Variants in FHIT observed in about 807,000 individuals in gnomAD.
FHIT encodes the protein bis(5'-adenosyl)-triphosphatase.
In FHIT, 19 loss-of-function variants were observed where a neutral mutation model predicts 17.9. That is an observed-to-expected ratio of 1.06 (90% confidence interval 0.74 to 1.56). The LOEUF (loss-of-function observed/expected upper bound fraction) is 1.56, where lower values mean the gene tolerates loss of function less well. Ranked by LOEUF, FHIT falls within the 40% of genes most tolerant of loss-of-function variation. FHIT has a pLI of 0.00. For synonymous variants in FHIT, 81 were observed against 69.7 expected (o/e 1.16, Z -0.81); for missense variants, 248 against 189.2 (o/e 1.31, Z -1.82).
chr3:60,592,612 A>C (rs1234692942), intron 4 of FHIT, among the ~76,000 whole-genome samples: 1 of 152,170 alleles, frequency 6.6e-6, no homozygotes, highest in Admixed American at 6.5e-5. Context: ...GGATGGAGGC[A>C]GGGCAGGCTT....
chr3:60,573,011 A>G (rs558692133), intron 4 of FHIT, among the ~76,000 whole-genome samples: 1 of 152,262 alleles, frequency 6.6e-6, no homozygotes, highest in Non-Finnish European at 1.5e-5. Flanking sequence ...CTGAGGCCCA[A>G]GTTACAAAAT....
At chr3:60,349,285 G>A (rs2106935791) in intron 5 of FHIT, among the ~76,000 whole-genome samples, 1 of 152,276 alleles carries the variant, frequency 6.6e-6, no homozygotes, top group African/African-American at 2.4e-5. Flanking sequence ...AAGCCACCAA[G>A]TGTCAACCTC....
chr3:61,110,451 A>G (rs2036124793), intron 2 of FHIT, among the ~76,000 whole-genome samples: 1 of 151,916 alleles, frequency 6.6e-6, no homozygotes, highest in Admixed American at 6.6e-5. Context: ...TCTCCCTCTA[A>G]TTCTCCTTAC....
At chr3:59,764,580 CACAA>C (rs1701696200) in intron 8 of FHIT, among the ~76,000 whole-genome samples, 1 of 152,166 alleles carries the variant, frequency 6.6e-6, no homozygotes, top group Admixed American at 6.5e-5. Flanking sequence ...ATGTGAGTTG[CACAA>C]ACAAATTGGA....
chr3:59,913,105 A>C (rs1050742018), intron 8 of FHIT, among the ~76,000 whole-genome samples: 1 of 152,170 alleles, frequency 6.6e-6, no homozygotes, highest in Admixed American at 6.5e-5. Flanking sequence ...AAAATTCCTG[A>C]CTTTGTAAAA....
chr3:60,668,120 G>A (rs1324717276), intron 4 of FHIT, among the ~76,000 whole-genome samples: 2 of 151,992 alleles, frequency 1.3e-5, no homozygotes, highest in Non-Finnish European at 2.9e-5. Context: ...ACTCTAGACA[G>A]GGGAGGATCA....
chr3:60,556,814 C>G (rs2107635849), intron 4 of FHIT, among the ~76,000 whole-genome samples: 1 of 149,628 alleles, frequency 6.7e-6, no homozygotes, highest in Admixed American at 6.6e-5. Flanking sequence ...TGCCTTCTAT[C>G]CAAGGTGACC....
intron 4 of FHIT, among the ~76,000 whole-genome samples, chr3:60,631,771 C>G (rs970141816): frequency 9.2e-5 from 14 of 152,170 alleles, no homozygotes; most frequent in Non-Finnish European, 1.3e-4. Flanking sequence ...ACGTGGGCAC[C>G]GTGCCTTTCC....
rs1406997946 is a variant in FHIT, at chr3:60,320,941, G to C, written c.103+215919C>G. Among the ~76,000 whole-genome samples the C allele has an allele frequency of 5.3e-5, 8 of 152,224 alleles. No individual in the cohort carries two copies. The East Asian group carries it at 1.5e-3, about 29-fold the overall frequency. Reference sequence around the variant, plus strand: ...TTAACTAATTTATTAAATAAAACATGTTCAATTGTACACTAAATCAAATGA... The same window carrying C: ...TTAACTAATTTATTAAATAAAACATCTTCAATTGTACACTAAATCAAATGA... On this transcript the variant is annotated intron_variant, in intron 5 of 9. Transcript: ENST00000492590.
chr3:60,588,435 G>GGGAA (rs1469115549), intron 4 of FHIT, among the ~76,000 whole-genome samples: 1 of 151,372 alleles, frequency 6.6e-6, no homozygotes, highest in African/African-American at 2.4e-5. Context: ...AAATAAAGAG[G>GGGAA]GGAAGGAGAA....
chr3:60,814,498 G>C (rs1422394937), intron 4 of FHIT, among the ~76,000 whole-genome samples: 1 of 152,076 alleles, frequency 6.6e-6, no homozygotes, highest in Non-Finnish European at 1.5e-5. Flanking sequence ...TAGGATAATG[G>C]TGTCTGGCTG....
At chr3:60,473,755 C>T (rs1336432898) in intron 5 of FHIT, among the ~76,000 whole-genome samples, 1 of 151,972 alleles carries the variant, frequency 6.6e-6, no homozygotes, top group African/African-American at 2.4e-5. Flanking sequence ...CCCGTCTCTA[C>T]TAAAATACAA....
chr3:59,943,812 G>A (rs553119877), intron 7 of FHIT, among the ~76,000 whole-genome samples: 1 of 152,276 alleles, frequency 6.6e-6, no homozygotes, highest in Admixed American at 6.5e-5. Context: ...ACAGGATAGT[G>A]GAGAAAAATG....
At chr3:60,089,935 T>C (rs904821683) in intron 5 of FHIT, among the ~76,000 whole-genome samples, 1 of 152,136 alleles carries the variant, frequency 6.6e-6, no homozygotes, top group Non-Finnish European at 1.5e-5. Context: ...ATAACGAATA[T>C]ATATGAATTA....
At chr3:60,562,583 AG>A (rs1401702561) in intron 4 of FHIT, among the ~76,000 whole-genome samples, 1 of 152,160 alleles carries the variant, frequency 6.6e-6, no homozygotes, top group Non-Finnish European at 1.5e-5. Context: ...GCCTACTTGG[AG>A]GGTATAATAC....
chr3:60,320,372 C>T (rs1355427262), intron 5 of FHIT, among the ~76,000 whole-genome samples: 1 of 152,044 alleles, frequency 6.6e-6, no homozygotes, highest in Non-Finnish European at 1.5e-5. Flanking sequence ...GAAAATCAGG[C>T]TTAAGTGCCA....
intron 4 of FHIT, among the ~76,000 whole-genome samples, chr3:60,600,236 T>A (rs1553668291): frequency 1.3e-5 from 2 of 152,154 alleles, no homozygotes; most frequent in Middle Eastern, 3.4e-3. Context: ...TAATTCCATA[T>A]CCTACACAAC....
rs372855794 is a variant in FHIT, at chr3:60,519,824, GT to G, written c.103+17035del. Reference sequence around the variant, plus strand: ...TGTTAGTCCCATGGTACTATTCCAGGTTTATGGTATGCATCACACACAAAGA... The same window carrying G: ...TGTTAGTCCCATGGTACTATTCCAGGTTATGGTATGCATCACACACAAAGA... On this transcript the variant is annotated intron_variant, in intron 5 of 9. Transcript: ENST00000492590. 2.2e-3 allele frequency among the ~76,000 whole-genome samples: 333 copies of G among 152,156 alleles called. 5 individuals are homozygous for G. Among genetic ancestry groups the G allele is most frequent in the African/African-American group, 7.5e-3 (312 of 41,526 alleles).
chr3:59,993,508 AT>A (rs952341209), intron 7 of FHIT, among the ~76,000 whole-genome samples: 4 of 151,954 alleles, frequency 2.6e-5, no homozygotes, highest in Non-Finnish European at 1.5e-5. Context: ...TCAAACCCCA[AT>A]TGGCAAACAG....
Sources: allele counts gnomAD v4.1 joint callset (sites outside exome capture counted in the v4.1 genomes callset), GRCh38; gene constraint gnomAD v4.1.1; transcripts MANE v1.5; gene names NCBI Gene and HGNC (gene_info 2026-07-23, HGNC 2026-07-21).